The following SF3A1 variants were observed in gnomAD, a reference collection of about 807,000 sequenced individuals.
The protein encoded by SF3A1 is SAP 114.
Under a neutral mutation model 89.9 loss-of-function variants are expected in SF3A1, and 13 were observed. The observed-to-expected ratio is 0.14, with a 90% CI of 0.09 to 0.23. SF3A1 has a LOEUF of 0.23. Ranked by LOEUF, SF3A1 falls within the 10% of genes least tolerant of loss-of-function variation. The probability of loss-of-function intolerance (pLI) is 1.00; values close to 1 mark genes in which losing one functional copy is unlikely to be tolerated. For missense variants in SF3A1, 604 were observed against 1,022.1 expected (o/e 0.59, Z 5.58); for synonymous variants, 405 against 374.4 (o/e 1.08, Z -0.94).
chr22:30,346,647 G>A (rs371103780), intron 2 of SF3A1, 128 bp from the exon 3 acceptor site: 15 of 995,586 alleles, frequency 1.5e-5, no homozygotes, highest in East Asian at 1.3e-4. Flanking sequence ...CTCAGCAGAC[G>A]TCCTCCTCTA....
rs191222506 is a variant in SF3A1 at position 30,348,075 on chromosome 22, G to A, written c.186-1556C>T. Reference sequence around the variant, plus strand: ...GCTCAGGCTGGTCTCAAACTCCTGCGCTTAAGCGCCTTGGCCTCCCAAAGT... The same window carrying A: ...GCTCAGGCTGGTCTCAAACTCCTGCACTTAAGCGCCTTGGCCTCCCAAAGT... On this transcript the variant is annotated intron_variant, in intron 2 of 15. Transcript: ENST00000215793. Among the ~76,000 whole-genome samples, 55 of 152,290 alleles carry A rather than the reference G, an allele frequency of 3.6e-4. No homozygotes were observed. The East Asian group carries it at 9.7e-3, about 27-fold the overall frequency.
intron 9 of SF3A1, among the ~76,000 whole-genome samples, chr22:30,339,823 T>C (rs574084274): frequency 3.0e-4 from 46 of 152,274 alleles, no homozygotes; most frequent in African/African-American, 8.9e-4. Flanking sequence ...AAGGGCCACA[T>C]GGTGTAAGTG....
In SF3A1 at chr22:30,332,918, C is replaced by T. The variant is rs1313348051; in HGVS notation, c.*1676G>A. ...CTAACACCATGAACTGCCCACTGCT[C>T]CCAGAAAGAAAGAAGAACTTGGAAT... On this transcript the variant is annotated 3_prime_UTR_variant, in exon 16 of 16. Coordinates refer to ENST00000215793, the MANE Select transcript of SF3A1 (RefSeq NM_005877.6). The T allele has an allele frequency of 6.6e-6, 1 of 152,230 alleles. No homozygotes were observed. The highest frequency in any genetic ancestry group is 1.5e-5 in the Non-Finnish European group (1 of 68,084). 9.4% of individuals were successfully genotyped at this position (152,230 alleles called of 1,614,324 possible). A position where few individuals can be genotyped will look rare whatever the true frequency, so the allele number is the denominator to read the frequency against.
intron 1 of SF3A1, among the ~76,000 whole-genome samples, chr22:30,353,906 C>T (rs865990402): frequency 3.3e-5 from 5 of 152,308 alleles, no homozygotes; most frequent in Middle Eastern, 3.4e-3. Context: ...GAATCCAGGC[C>T]ATGTCTGTAA....
chr22:30,334,779 G>A, intron 15 of SF3A1, 84 bp from the exon 16 acceptor site: 1 of 947,790 alleles, frequency 1.1e-6, no homozygotes, highest in South Asian at 1.5e-5. Flanking sequence ...CACTTGGTCT[G>A]TTTGCGCTCT....
In SF3A1 at chr22:30,338,997, G is replaced by A; in HGVS notation, c.1535C>T (p.Thr512Ile). Residue 512 changes from threonine (T) to isoleucine (I), a missense_variant, in exon 11 of 16, where the codon ACC becomes ATC. This residue lies in a region of SF3A1 where 22 missense variants were observed against 116.0 expected (regional missense o/e 0.19). Coordinates refer to ENST00000215793, the MANE Select transcript of SF3A1 (RefSeq NM_005877.6). Reference protein sequence around the residue: ...WDGHSGSMARTQQAAQANITL... With the variant: ...WDGHSGSMARIQQAAQANITL... ...GATGTTGGCCTGGGCAGCCTGCTGGGTCCGGGCCATGCTGCCTGAGTGGCC... is the reference window on the plus strand; with the variant it reads ...GATGTTGGCCTGGGCAGCCTGCTGGATCCGGGCCATGCTGCCTGAGTGGCC... The A allele has an allele frequency of 6.2e-7, 1 of 1,614,190 alleles. No homozygotes were observed. Among genetic ancestry groups the A allele is most frequent in the Non-Finnish European group, 8.5e-7 (1 of 1,180,050 alleles).
At chr22:30,339,481 C>T (rs1931180231) in intron 9 of SF3A1, among the ~76,000 whole-genome samples, 1 of 152,220 alleles carries the variant, frequency 6.6e-6, no homozygotes, top group African/African-American at 2.4e-5. Context: ...AGGCCAGGCA[C>T]AGTGGCTCAT....
intron 2 of SF3A1, among the ~76,000 whole-genome samples, chr22:30,346,729 TC>T (rs1417151836): frequency 6.6e-6 from 1 of 152,136 alleles, no homozygotes; most frequent in Non-Finnish European, 1.5e-5. Context: ...CCACAGGGTT[TC>T]CCTGAACCCA....
chr22:30,345,090 T>C lies in SF3A1; in HGVS notation c.494A>G (p.Asp165Gly). 1 of 1,614,156 alleles carries C rather than the reference T, an allele frequency of 6.2e-7. No homozygotes were observed. The highest frequency in any genetic ancestry group is 8.5e-7 in the Non-Finnish European group (1 of 1,180,038). The change falls in exon 4 of 16, where the codon GAT (aspartate) becomes GGT (glycine). Residue 165 changes from aspartate to glycine, a missense_variant. By Grantham distance (94) the Asp-to-Gly change is moderately conservative. Around this residue, in one of 9 missense-constraint regions of SF3A1, gnomAD observed 162 missense variants for 229.2 expected, o/e 0.71. Transcript: ENST00000215793. ...AAACTGAGCCGTCAGCTTCACCACATCCAAGTCGAAGGCTGAGATAGAGGG... is the reference window on the plus strand; with the variant it reads ...AAACTGAGCCGTCAGCTTCACCACACCCAAGTCGAAGGCTGAGATAGAGGG... Reference protein sequence around the residue: ...DPPSISAFDLDVVKLTAQFVA... With the variant: ...DPPSISAFDLGVVKLTAQFVA...
intron 11 of SF3A1, among the ~76,000 whole-genome samples, chr22:30,338,467 A>G (rs1201487295): frequency 6.6e-6 from 1 of 151,572 alleles, no homozygotes; most frequent in African/African-American, 2.4e-5. Flanking sequence ...TCAAAAAAAA[A>G]AAAAAAAGAG....
rs376619952 is a variant in SF3A1, at chr22:30,341,785, C to T, written c.978G>A (p.Glu326=). 3.5e-5 allele frequency: 56 copies of T among 1,614,056 alleles called. No homozygotes were observed. Among genetic ancestry groups the T allele is most frequent in the Non-Finnish European group, 4.3e-5 (51 of 1,180,046 alleles). The part of the protein sequence containing the change: ...KFGESEEVEM[E]VESDEEDDKQ... The stretch of plus-strand genomic sequence containing the variant: ...TGTCATCCTCCTCATCAGACTCGAC[C>T]TCCATCTCAACTTCCTCACTCTCCC... The change falls in exon 7 of 16, where the codon GAG becomes GAA. Residue 326 remains glutamate, a synonymous_variant. Coordinates refer to ENST00000215793, the MANE Select transcript of SF3A1 (RefSeq NM_005877.6).
chr22:30,349,984 T>C (rs1388477668), intron 2 of SF3A1, among the ~76,000 whole-genome samples: 1 of 152,114 alleles, frequency 6.6e-6, no homozygotes, highest in Non-Finnish European at 1.5e-5. Flanking sequence ...TCTTATTTCT[T>C]TAGCAGCAGA....
At chr22:30,349,324 A>T (rs1043842533) in intron 2 of SF3A1, among the ~76,000 whole-genome samples, 9 of 152,238 alleles carry the variant, frequency 5.9e-5, no homozygotes, top group Non-Finnish European at 1.2e-4. Context: ...TCCGTCACCC[A>T]GGTGGGAGTG....
At chr22:30,335,443 A>C (rs1386459077) in intron 15 of SF3A1, 24 bp downstream of exon 15, 1 of 1,604,072 alleles carries the variant, frequency 6.2e-7, no homozygotes, top group South Asian at 1.1e-5. Flanking sequence ...CCCAAGGGAC[A>C]GGTCTGTGGA....
At chr22:30,354,129 C>T (rs1931686534) in intron 1 of SF3A1, among the ~76,000 whole-genome samples, 1 of 152,186 alleles carries the variant, frequency 6.6e-6, no homozygotes, top group Non-Finnish European at 1.5e-5. Context: ...TATTTTTTCA[C>T]CAGCAGCTTC....
rs1026305815 is a variant in SF3A1 at position 30,334,130 on chromosome 22, C to T, written c.*464G>A. ...GCACTGTGCAGTGTTACCACTGCCT[C>T]GAGTCTGGACAGGGCACAGGTGACC... On this transcript the variant is annotated 3_prime_UTR_variant, in exon 16 of 16. Transcript: ENST00000215793. The T allele has an allele frequency of 6.4e-6, 1 of 155,218 alleles. No homozygotes were observed. Among genetic ancestry groups the T allele is most frequent in the African/African-American group, 2.4e-5 (1 of 41,460 alleles). 9.6% of individuals were successfully genotyped at this position (155,218 alleles called of 1,614,324 possible).
At chr22:30,341,255 G>C (rs1931243672) in intron 7 of SF3A1, among the ~76,000 whole-genome samples, 1 of 152,212 alleles carries the variant, frequency 6.6e-6, no homozygotes, top group Non-Finnish European at 1.5e-5. Flanking sequence ...GGGGAGAACA[G>C]TCTGGTTCTG....
intron 6 of SF3A1, 127 bp from the exon 7 acceptor site, chr22:30,342,012 T>C (rs963649855): frequency 9.3e-6 from 11 of 1,183,036 alleles, no homozygotes; most frequent in Non-Finnish European, 1.3e-5. Context: ...CCATCTAGGG[T>C]CTGGCAAGTA....
Position 30,337,117 on chromosome 22 carries a change from G to A in SF3A1, c.2015C>T (p.Pro672Leu). ...GGGCTCATCTTCCATGGGAGGTGGG[G>A]GATGCACAGGGGGCATTGGGGCTGG... ...PAPAPMPPVH[P>L]PPPMEDEPTS... is the part of the protein sequence containing the mutation. The change falls in exon 13 of 16, where the codon CCC (proline) becomes CTC (leucine). Residue 672 changes from proline to leucine, a missense_variant. Transcript: ENST00000215793. The A allele has an allele frequency of 6.2e-7, 1 of 1,614,048 alleles. No individual in the cohort carries two copies.
Sources: allele counts gnomAD v4.1 joint callset (sites outside exome capture counted in the v4.1 genomes callset), GRCh38; gene constraint gnomAD v4.1.1; regional missense constraint gnomAD v4.1.1; transcripts MANE v1.5; gene names NCBI Gene and HGNC (gene_info 2026-07-23, HGNC 2026-07-21).